Variants in EXOC6B observed in about 807,000 individuals in gnomAD.
EXOC6B encodes exocyst complex component 6B.
EXOC6B carries 54 observed loss-of-function variants against 113.5 expected under a neutral mutation model. That is an observed-to-expected ratio of 0.48 (90% CI 0.38 to 0.60). The LOEUF (loss-of-function observed/expected upper bound fraction) is 0.60. Ranked by LOEUF, EXOC6B falls within the 20% of genes least tolerant of loss-of-function variation. The probability of loss-of-function intolerance (pLI) is 0.00; values close to 1 mark genes in which losing one functional copy is unlikely to be tolerated. For missense variants in EXOC6B, 797 were observed against 977.5 expected, an observed-to-expected ratio of 0.82 and a Z score of 2.46; for synonymous variants, 357 against 339.0, an observed-to-expected ratio of 1.05 and a Z score of -0.58.
chr2:72,397,013 T>G (rs965060848), intron 18 of EXOC6B, among the ~76,000 whole-genome samples: 12 of 152,238 alleles, frequency 7.9e-5, no homozygotes, highest in African/African-American at 2.6e-4. Context: ...TGTTGCCTTT[T>G]TACTCATTAT....
rs371926759 is a variant in EXOC6B at position 72,531,714 on chromosome 2, G to A, written c.916-16588C>T. Reference sequence around the variant, plus strand: ...AAGAATGCCATAGCAGGCCAGGCACGGTGACTCACACCTGTAATCCCAGCA... The same window carrying A: ...AAGAATGCCATAGCAGGCCAGGCACAGTGACTCACACCTGTAATCCCAGCA... On this transcript the variant is annotated intron_variant, in intron 8 of 21. Transcript: ENST00000272427. Among the ~76,000 whole-genome samples the A allele has an allele frequency of 2.4e-4, 36 of 152,144 alleles. 2 individuals carry two copies. The highest frequency in any genetic ancestry group is 6.5e-4 in the African/African-American group (27 of 41,506).
chr2:72,436,383 T>C lies in EXOC6B; in HGVS notation c.1980+28777A>G, dbSNP rs150394836. Among the ~76,000 whole-genome samples the C allele has an allele frequency of 3.9e-5, 6 of 152,276 alleles. No individual in the cohort carries two copies. The East Asian group carries it at 1.2e-3, about 29-fold the overall frequency. On this transcript the variant is annotated intron_variant, in intron 18 of 21. Transcript: ENST00000272427. The stretch of plus-strand genomic sequence containing the variant: ...ATCTGATGATTATGTGTCTCGGGGT[T>C]ACTCTTCTCAAAGACTATCTTTGTG...
chr2:72,701,010 G>A (rs986652666), intron 6 of EXOC6B, among the ~76,000 whole-genome samples: 31 of 152,024 alleles, frequency 2.0e-4, no homozygotes, highest in African/African-American at 6.3e-4. Context: ...TCCATATACT[G>A]GTAGGTACAG....
chr2:72,503,051 G>T (rs1477030082), intron 11 of EXOC6B, among the ~76,000 whole-genome samples: 7 of 152,038 alleles, frequency 4.6e-5, no homozygotes, highest in Non-Finnish European at 8.8e-5. Flanking sequence ...CCTTTGGCTT[G>T]CTTCCATCAT....
At chr2:72,392,912 A>C (rs985548401) in intron 18 of EXOC6B, among the ~76,000 whole-genome samples, 6 of 152,112 alleles carry the variant, frequency 3.9e-5, no homozygotes, top group African/African-American at 1.4e-4. Flanking sequence ...CTGTGGGCCC[A>C]ATTCTCAATG....
intron 18 of EXOC6B, among the ~76,000 whole-genome samples, chr2:72,455,529 T>C (rs973860466): frequency 1.3e-5 from 2 of 152,142 alleles, no homozygotes; most frequent in Non-Finnish European, 1.5e-5. Context: ...AGGTATTATA[T>C]AGCCTAGTGG....
At position 72,379,715 on chromosome 2, in the gene EXOC6B, G is replaced by T; in HGVS notation, c.2122+14C>A. On this transcript the variant is annotated intron_variant, in intron 19 of 21. Coordinates refer to ENST00000272427, the MANE Select transcript of EXOC6B (RefSeq NM_015189.3). ...TGGTAAGATAAACAAGCACAGGGAT[G>T]GTCACTGTCTTACGTTCACATTCTC... The T allele has an allele frequency of 6.2e-7, 1 of 1,600,860 alleles. No individual in the cohort carries two copies. The highest frequency in any genetic ancestry group is 1.1e-5 in the South Asian group (1 of 88,886).
intron 19 of EXOC6B, among the ~76,000 whole-genome samples, chr2:72,336,807 G>A (rs763516519): frequency 1.3e-5 from 2 of 152,026 alleles, no homozygotes; most frequent in Admixed American, 6.6e-5. Flanking sequence ...AGGAGTTTGC[G>A]ACCAGCCTGA....
intron 11 of EXOC6B, among the ~76,000 whole-genome samples, chr2:72,509,145 CCTT>C (rs1294487935): frequency 1.3e-5 from 2 of 152,098 alleles, no homozygotes; most frequent in African/African-American, 4.8e-5. Context: ...AGAGAGCAAT[CCTT>C]CTTCAGCAGG....
intron 19 of EXOC6B, among the ~76,000 whole-genome samples, chr2:72,343,803 C>T (rs890521316): frequency 1.3e-5 from 2 of 151,936 alleles, no homozygotes; most frequent in Non-Finnish European, 2.9e-5. Context: ...TATTGGCTTA[C>T]TGTGTCTGGC....
At chr2:72,707,910 AG>A (rs916758063) in intron 6 of EXOC6B, among the ~76,000 whole-genome samples, 6 of 152,190 alleles carry the variant, frequency 3.9e-5, no homozygotes, top group Non-Finnish European at 7.3e-5. Flanking sequence ...AGCAGATAAA[AG>A]GAAGAAATAA....
At chr2:72,523,024 G>A (rs1239153485) in intron 8 of EXOC6B, among the ~76,000 whole-genome samples, 1 of 152,074 alleles carries the variant, frequency 6.6e-6, no homozygotes, top group African/African-American at 2.4e-5. Flanking sequence ...AAACACAAGT[G>A]ACAACTTTGA....
At chr2:72,247,282 A>C (rs1682726475) in intron 20 of EXOC6B, among the ~76,000 whole-genome samples, 1 of 152,198 alleles carries the variant, frequency 6.6e-6, no homozygotes, top group South Asian at 2.1e-4. Context: ...AGACCCTGGG[A>C]GTTGTACTGC....
intron 8 of EXOC6B, among the ~76,000 whole-genome samples, chr2:72,516,549 T>C (rs961230157): frequency 6.6e-6 from 1 of 152,194 alleles, no homozygotes; most frequent in East Asian, 1.9e-4. Flanking sequence ...CCCTGAATTC[T>C]ACTCTTAATC....
At chr2:72,823,486 C>CA (rs1334851778) in intron 1 of EXOC6B, among the ~76,000 whole-genome samples, 14 of 97,044 alleles carry the variant, frequency 1.4e-4, no homozygotes, top group Middle Eastern at 7.5e-3. Context: ...AAACAAAAAA[C>CA]AAAAAAAAAG....
intron 8 of EXOC6B, among the ~76,000 whole-genome samples, chr2:72,554,262 C>G (rs1703407413): frequency 6.6e-6 from 1 of 152,130 alleles, no homozygotes; most frequent in South Asian, 2.1e-4. Context: ...CAATGCAAAA[C>G]CACTGCACTC....
rs1341405096 is a variant in EXOC6B, at chr2:72,802,681, G to A, written c.113+23117C>T. Among the ~76,000 whole-genome samples, 89 of 151,820 alleles carry A rather than the reference G, an allele frequency of 5.9e-4. 1 individual carries two copies. Among genetic ancestry groups the A allele is most frequent in the Non-Finnish European group, 5.9e-5 (4 of 67,956 alleles). ...AGAAAGAAAAGGCCCTTTTCATCTT[G>A]GGAAAAAAATTCTAAGATTCCAATA... On this transcript the variant is annotated intron_variant, in intron 1 of 21. Coordinates refer to ENST00000272427, the MANE Select transcript of EXOC6B (RefSeq NM_015189.3).
intron 20 of EXOC6B, among the ~76,000 whole-genome samples, chr2:72,292,942 A>G (rs1178729659): frequency 6.6e-6 from 1 of 152,156 alleles, no homozygotes; most frequent in Non-Finnish European, 1.5e-5. Context: ...GCACTGAAGT[A>G]CGTTTGGATT....
intron 6 of EXOC6B, among the ~76,000 whole-genome samples, chr2:72,633,223 A>G (rs756586077): frequency 5.9e-5 from 9 of 152,196 alleles, no homozygotes; most frequent in Non-Finnish European, 8.8e-5. Context: ...CCAAATAGAG[A>G]AGCACATTCC....
Sources: gnomAD v4.1 joint callset for allele counts (sites outside exome capture counted in the v4.1 genomes callset) on GRCh38, gnomAD v4.1.1 for gene constraint, MANE v1.5 for transcripts, NCBI Gene and HGNC (gene_info 2026-07-23, HGNC 2026-07-21) for gene names.